The following SCRG1 variants were observed in gnomAD, a reference collection of about 807,000 sequenced individuals.
The protein encoded by SCRG1 is scrapie-responsive protein 1.
A neutral mutation model predicts 7.7 loss-of-function variants in SCRG1; 3 were observed. The ratio of observed to expected loss-of-function variants is 0.39; its 90% CI spans 0.18 to 1.01. The LOEUF is 1.01. Among genes scored for constraint, SCRG1 ranks in the 50% least tolerant of loss-of-function variants. The pLI is 0.36. For missense variants in SCRG1, 110 were observed against 117.2 expected (o/e 0.94, Z 0.28); for synonymous variants, 46 against 41.2 (o/e 1.12, Z -0.44).
chr4:173,388,666 A>G (rs1461707733), intron 2 of SCRG1, among the ~76,000 whole-genome samples: 2 of 152,222 alleles, frequency 1.3e-5, no homozygotes, highest in African/African-American at 4.8e-5. Flanking sequence ...TCAAAACTTT[A>G]TGGTCATGTA....
At chr4:173,469,693 G>T in the SCRG1 span, 10 of 152,134 alleles carry the variant, frequency 6.6e-5, no homozygotes, top group African/African-American at 1.9e-4. Context: ...TTAGCATAAG[G>T]CACCAACAAA....
the SCRG1 span, among the ~76,000 whole-genome samples, chr4:173,512,352 G>A: frequency 6.6e-6 from 1 of 152,222 alleles, no homozygotes; most frequent in Non-Finnish European, 1.5e-5. Flanking sequence ...AGAATCAGCA[G>A]TAAGCTTTTG....
At chr4:173,460,782 A>T in the SCRG1 span, among the ~76,000 whole-genome samples, 1 of 152,104 alleles carries the variant, frequency 6.6e-6, no homozygotes, top group Admixed American at 6.5e-5. Flanking sequence ...CGATTCCAGG[A>T]CTTGATTCTT....
the SCRG1 span, among the ~76,000 whole-genome samples, chr4:173,438,814 C>G: frequency 6.6e-6 from 1 of 151,498 alleles, no homozygotes; most frequent in Admixed American, 6.6e-5. Flanking sequence ...TATTTCACTT[C>G]TTTCTATTTA....
chr4:173,414,478 G>A, the SCRG1 span, among the ~76,000 whole-genome samples: 1 of 152,196 alleles, frequency 6.6e-6, no homozygotes, highest in Non-Finnish European at 1.5e-5. Flanking sequence ...CTGATGGGGT[G>A]AGTCTTGGTG....
chr4:173,458,090 ACT>A, the SCRG1 span, among the ~76,000 whole-genome samples: 17 of 151,986 alleles, frequency 1.1e-4, no homozygotes, highest in Non-Finnish European at 2.1e-4. Context: ...AGGATGGGAA[ACT>A]CTAGATCCCT....
At chr4:173,460,395 CA>C in the SCRG1 span, among the ~76,000 whole-genome samples, 2 of 152,192 alleles carry the variant, frequency 1.3e-5, no homozygotes, top group African/African-American at 4.8e-5. Context: ...CTCACAGCTT[CA>C]AAAGAGACCT....
chr4:173,476,477 G>A, the SCRG1 span, among the ~76,000 whole-genome samples: 1 of 151,606 alleles, frequency 6.6e-6, no homozygotes, highest in South Asian at 2.1e-4. Flanking sequence ...AGTGTGCACT[G>A]AGTAGAGACA....
upstream of SCRG1, among the ~76,000 whole-genome samples, chr4:173,407,337 T>G (rs1433786769): frequency 3.3e-5 from 5 of 151,514 alleles, no homozygotes; most frequent in Non-Finnish European, 5.9e-5. Context: ...ACCAACATGG[T>G]GAAACTCCAT....
upstream of SCRG1, among the ~76,000 whole-genome samples, chr4:173,407,568 T>C (rs1400005620): frequency 6.6e-6 from 1 of 152,182 alleles, no homozygotes; most frequent in Non-Finnish European, 1.5e-5. Flanking sequence ...GTGCTATAAA[T>C]ATTTGTATGC....
the SCRG1 span, among the ~76,000 whole-genome samples, chr4:173,417,642 T>A: frequency 6.6e-6 from 1 of 151,526 alleles, no homozygotes; most frequent in African/African-American, 2.4e-5. Flanking sequence ...TTCCTTCTTT[T>A]TTTTCAGAGA....
chr4:173,414,147 C>A, the SCRG1 span, among the ~76,000 whole-genome samples: 2 of 152,270 alleles, frequency 1.3e-5, no homozygotes, highest in African/African-American at 4.8e-5. Flanking sequence ...TCTCTTGGGA[C>A]CTGCATGGCT....
At chr4:173,490,108 T>C in the SCRG1 span, among the ~76,000 whole-genome samples, 2,209 of 152,296 alleles carry the variant, frequency 0.015, 59 homozygotes, top group African/African-American at 0.05. Flanking sequence ...CCTAGAAGTC[T>C]GACGATTCTA....
intron 1 of SCRG1, among the ~76,000 whole-genome samples, chr4:173,405,644 G>T (rs1171091889): frequency 6.6e-6 from 1 of 152,150 alleles, no homozygotes; most frequent in Admixed American, 6.5e-5. Flanking sequence ...TCTATACTTT[G>T]GATTATTTTA....
the SCRG1 span, among the ~76,000 whole-genome samples, chr4:173,490,417 A>T: frequency 1.3e-5 from 2 of 152,136 alleles, no homozygotes; most frequent in African/African-American, 4.8e-5. Flanking sequence ...TTTCAAAACA[A>T]CCCCATTTCC....
upstream of SCRG1, among the ~76,000 whole-genome samples, chr4:173,399,733 G>T (rs949095362): frequency 1.2e-5 from 1 of 86,448 alleles, no homozygotes. Flanking sequence ...AAGCACAAAA[G>T]AAATTTTATT....
At chr4:173,502,404 C>T in the SCRG1 span, among the ~76,000 whole-genome samples, 2 of 152,180 alleles carry the variant, frequency 1.3e-5, no homozygotes, top group Non-Finnish European at 2.9e-5. The surrounding 1 kb of genome is among the most constrained non-coding windows in gnomAD (Gnocchi z 4.6). Flanking sequence ...GTGTGAGAAA[C>T]AGTCAACATT....
chr4:173,484,402 TTATATACATATAA>T, the SCRG1 span, among the ~76,000 whole-genome samples: 6 of 70,818 alleles, frequency 8.5e-5, no homozygotes, highest in African/African-American at 3.7e-4. Context: ...ACATTATATA[TTATATACATATAA>T]TATATATTAT....
the SCRG1 span, among the ~76,000 whole-genome samples, chr4:173,418,420 GCACAGCTGAGCCCATCAGAGT>G: frequency 2.0e-5 from 3 of 152,160 alleles, no homozygotes; most frequent in East Asian, 3.9e-4. Context: ...GCCAAATCCA[GCACAGCTGAGCCCATCAGAGT>G]CACAGCTGAC....
Sources: allele counts gnomAD v4.1 joint callset (sites outside exome capture counted in the v4.1 genomes callset), GRCh38; gene constraint gnomAD v4.1.1; non-coding constraint Gnocchi (gnomAD v3.1); transcripts MANE v1.5; gene names NCBI Gene and HGNC (gene_info 2026-07-23, HGNC 2026-07-21).